GLRA1: variants seen among roughly 807,000 people sequenced by gnomAD.
The protein encoded by GLRA1 is glycine receptor subunit alpha-1.
In GLRA1, 37 loss-of-function variants were observed where a neutral mutation model predicts 48.3. That is an observed-to-expected ratio of 0.77 (90% CI 0.59 to 1.01). The LOEUF is 1.01. Among genes scored for constraint, GLRA1 ranks in the 50% least tolerant of loss-of-function variants. The pLI is 0.00. For synonymous variants in GLRA1, 196 were observed against 210.7 expected, an observed-to-expected ratio of 0.93 and a Z score of 0.60; for missense variants, 427 against 571.0, an observed-to-expected ratio of 0.75 and a Z score of 2.57.
chr5:151,901,526 C>G (rs952856016), intron 1 of GLRA1, among the ~76,000 whole-genome samples: 1 of 152,218 alleles, frequency 6.6e-6, no homozygotes, highest in African/African-American at 2.4e-5. Flanking sequence ...GACAGAAGAG[C>G]AAATGGCTCT....
At position 151,823,107 on chromosome 5, in the gene GLRA1, T is replaced by G. The variant is rs538992569; in HGVS notation, c.1060-144A>C. On this transcript the variant is annotated intron_variant, in intron 8 of 8. Coordinates refer to ENST00000274576, the MANE Select transcript of GLRA1 (RefSeq NM_000171.4). ...TGCATCACTCTAGGTTTCTGGAGGCTTTTTGGCTGGCTGGGGAGTTCTGCC... is the reference window on the plus strand; with the variant it reads ...TGCATCACTCTAGGTTTCTGGAGGCGTTTTGGCTGGCTGGGGAGTTCTGCC... The G allele has an allele frequency of 1.9e-4, 140 of 745,830 alleles. 1 individual carries two copies. Among genetic ancestry groups the G allele is most frequent in the Middle Eastern group, 3.8e-4 (1 of 2,620 alleles). 46.2% of individuals were successfully genotyped at this position (745,830 alleles called of 1,614,324 possible). A position where few individuals can be genotyped will look rare whatever the true frequency, so the allele number is the denominator to read the frequency against.
intron 3 of GLRA1, among the ~76,000 whole-genome samples, chr5:151,866,070 G>T (rs1269516587): frequency 2.0e-5 from 3 of 152,194 alleles, no homozygotes; most frequent in Non-Finnish European, 4.4e-5. Flanking sequence ...CTCCACCCTA[G>T]AACCTGAGGT....
In GLRA1 at chr5:151,916,368, A is replaced by G. The variant is rs116513951; in HGVS notation, c.56+8126T>C. Reference sequence around the variant, plus strand: ...AAATCTGCCTGGCAGCCAGGGTTGCAGCAGCCTTGCCGCATTCCTCTGGAG... The same window carrying G: ...AAATCTGCCTGGCAGCCAGGGTTGCGGCAGCCTTGCCGCATTCCTCTGGAG... On this transcript the variant is annotated intron_variant, in intron 1 of 8. Transcript: ENST00000274576. Among the ~76,000 whole-genome samples the G allele has an allele frequency of 8.3e-3, 1,264 of 152,380 alleles. 31 individuals are homozygous for G. The highest frequency in any genetic ancestry group is 0.028 in the African/African-American group (1,158 of 41,588).
intron 3 of GLRA1, among the ~76,000 whole-genome samples, chr5:151,877,681 G>T (rs974478361): frequency 6.6e-6 from 1 of 152,150 alleles, no homozygotes; most frequent in African/African-American, 2.4e-5. Flanking sequence ...TGCTGTTCTC[G>T]TGATAGTGAA....
intron 7 of GLRA1, among the ~76,000 whole-genome samples, chr5:151,833,467 ATTTTTC>A (rs1763476806): frequency 6.6e-6 from 1 of 151,812 alleles, no homozygotes; most frequent in South Asian, 2.1e-4. Context: ...ATATATATAT[ATTTTTC>A]TTTTGAGACA....
At chr5:151,869,397 T>C (rs1410487045) in intron 3 of GLRA1, among the ~76,000 whole-genome samples, 1 of 150,104 alleles carries the variant, frequency 6.7e-6, no homozygotes, top group Non-Finnish European at 1.5e-5. Flanking sequence ...AGCCACCACA[T>C]AGAACTTTCT....
intron 3 of GLRA1, among the ~76,000 whole-genome samples, chr5:151,878,588 G>A (rs906816090): frequency 2.6e-5 from 4 of 152,230 alleles, no homozygotes; most frequent in Middle Eastern, 3.4e-3. Context: ...AAATCGTTTC[G>A]TGGGCCAAGC....
intron 7 of GLRA1, 27 bp downstream of exon 7, chr5:151,851,363 T>C: frequency 6.7e-7 from 1 of 1,488,256 alleles, no homozygotes; most frequent in African/African-American, 1.4e-5. Flanking sequence ...GTCCAGGTGT[T>C]CTGTGCTCTT....
chr5:151,899,345 G>A (rs1304963106), intron 1 of GLRA1, among the ~76,000 whole-genome samples: 1 of 152,206 alleles, frequency 6.6e-6, no homozygotes, highest in East Asian at 1.9e-4. Context: ...TAGCCTCTGT[G>A]TGCTTTTAGA....
chr5:151,887,385 G>A (rs1455135068), intron 2 of GLRA1, among the ~76,000 whole-genome samples: 3 of 152,164 alleles, frequency 2.0e-5, no homozygotes, highest in African/African-American at 7.2e-5. Context: ...CATTCCTAGA[G>A]GAGATGTTGT....
At position 151,914,550 on chromosome 5, in the gene GLRA1, T is replaced by C. The variant is rs116654739; in HGVS notation, c.56+9944A>G. On this transcript the variant is annotated intron_variant, in intron 1 of 8. Coordinates refer to ENST00000274576, the MANE Select transcript of GLRA1 (RefSeq NM_000171.4). ...GGTCTGAGTATAAGGGACCAAGACT[T>C]TTAAAAATTCTCTTCTTGGGCCAGA... Among the ~76,000 whole-genome samples, 1,163 of 152,256 alleles carry C rather than the reference T, an allele frequency of 7.6e-3. 19 individuals are homozygous for C. The highest frequency in any genetic ancestry group is 0.026 in the African/African-American group (1,093 of 41,528).
At chr5:151,829,765 CTA>C (rs1316747610) in intron 7 of GLRA1, among the ~76,000 whole-genome samples, 3 of 152,184 alleles carry the variant, frequency 2.0e-5, no homozygotes, top group Non-Finnish European at 4.4e-5. Flanking sequence ...TGTCACCTCT[CTA>C]TTCCCCCAGC....
intron 3 of GLRA1, among the ~76,000 whole-genome samples, chr5:151,861,935 A>G (rs1475480646): frequency 6.6e-6 from 1 of 152,218 alleles, no homozygotes; most frequent in African/African-American, 2.4e-5. Flanking sequence ...AACTACTTTA[A>G]TGTTCATATG....
At chr5:151,835,106 C>G (rs2113303040) in intron 7 of GLRA1, among the ~76,000 whole-genome samples, 1 of 151,500 alleles carries the variant, frequency 6.6e-6, no homozygotes, top group Non-Finnish European at 1.5e-5. Context: ...CCACTGATCC[C>G]ACAGAAATAC....
intron 1 of GLRA1, among the ~76,000 whole-genome samples, chr5:151,907,080 TG>T (rs1754489419): frequency 6.6e-6 from 1 of 152,210 alleles, no homozygotes; most frequent in South Asian, 2.1e-4. Flanking sequence ...AGGAGTGGGC[TG>T]GAACTGTGAC....
chr5:151,848,831 C>A, intron 7 of GLRA1: 1 of 523,638 alleles, frequency 1.9e-6, no homozygotes, highest in Non-Finnish European at 3.6e-6. Flanking sequence ...TCACCTCACT[C>A]TCATGGCCTA....
intron 1 of GLRA1, among the ~76,000 whole-genome samples, chr5:151,901,411 A>T (rs1403312518): frequency 1.3e-5 from 2 of 152,116 alleles, no homozygotes; most frequent in African/African-American, 4.8e-5. Flanking sequence ...ATCCAGGGGG[A>T]TTCTTCAGAG....
intron 1 of GLRA1, among the ~76,000 whole-genome samples, chr5:151,896,998 T>G (rs1029948300): frequency 2.0e-4 from 30 of 152,172 alleles, no homozygotes; most frequent in Admixed American, 1.7e-3. Flanking sequence ...CTAACGAGAC[T>G]CCTGGAGTTA....
At chr5:151,832,137 AT>A (rs1763442512) in intron 7 of GLRA1, among the ~76,000 whole-genome samples, 1 of 152,260 alleles carries the variant, frequency 6.6e-6, no homozygotes, top group Non-Finnish European at 1.5e-5. Context: ...CAGAAATCCC[AT>A]TTGAAGGTCA....
Sources: gnomAD v4.1 joint callset for allele counts (sites outside exome capture counted in the v4.1 genomes callset) on GRCh38, gnomAD v4.1.1 for gene constraint, MANE v1.5 for transcripts, NCBI Gene and HGNC (gene_info 2026-07-23, HGNC 2026-07-21) for gene names.